Variants in TUBB2A observed in about 807,000 individuals in gnomAD.
TUBB2A encodes the protein tubulin beta-2A chain.
Under a neutral mutation model 33.9 loss-of-function variants are expected in TUBB2A, and 7 were observed. That is an observed-to-expected ratio of 0.21 (90% CI 0.12 to 0.39). The LOEUF (loss-of-function observed/expected upper bound fraction) is 0.39. Ranked by LOEUF, TUBB2A falls within the 10% of genes least tolerant of loss-of-function variation. The probability of loss-of-function intolerance (pLI) is 1.00; values close to 1 mark genes in which losing one functional copy is unlikely to be tolerated. For synonymous variants in TUBB2A, 187 were observed against 247.6 expected, an observed-to-expected ratio of 0.76 and a Z score of 2.30; for missense variants, 80 against 593.4, an observed-to-expected ratio of 0.13 and a Z score of 8.99.
chr6:3,155,795 A>G lies in TUBB2A; in HGVS notation c.167-60T>C. 6.9e-7 allele frequency: 1 copy of G among 1,451,568 alleles called. No individual in the cohort carries two copies. Among genetic ancestry groups the G allele is most frequent in the Admixed American group, 1.9e-5 (1 of 53,708 alleles). The allele number at this position is 1,451,568 out of a possible 1,614,324, so 89.9% of individuals were successfully genotyped here. On this transcript the variant is annotated intron_variant, in intron 2 of 3. Transcript: ENST00000333628. This position sits in a 1 kb window ranked among gnomAD's most constrained non-coding sequence, Gnocchi z 4.2. ...TGGGGAGGGACTCACAGCAGCATTCAATTCCAGCATCTGAGACAAAAGGAG... is the reference window on the plus strand; with the variant it reads ...TGGGGAGGGACTCACAGCAGCATTCGATTCCAGCATCTGAGACAAAAGGAG...
Position 3,155,782 on chromosome 6 carries a change from C to T in TUBB2A, c.167-47G>A. Reference sequence around the variant, plus strand: ...TCAGGCCTGTGCTTGGGGAGGGACTCACAGCAGCATTCAATTCCAGCATCT... The same window carrying T: ...TCAGGCCTGTGCTTGGGGAGGGACTTACAGCAGCATTCAATTCCAGCATCT... On this transcript the variant is annotated intron_variant, in intron 2 of 3. Coordinates refer to ENST00000333628, the MANE Select transcript of TUBB2A (RefSeq NM_001069.3). The surrounding 1 kb of genome is among the most constrained non-coding windows in gnomAD (Gnocchi z 4.2). 6.7e-7 allele frequency: 1 copy of T among 1,497,866 alleles called. No individual in the cohort carries two copies. Among genetic ancestry groups the T allele is most frequent in the Non-Finnish European group, 9.2e-7 (1 of 1,083,540 alleles). 92.8% of individuals were successfully genotyped at this position (1,497,866 alleles called of 1,614,324 possible). A position where few individuals can be genotyped will look rare whatever the true frequency, so the allele number is the denominator to read the frequency against.
Position 3,153,920 on chromosome 6 carries a change from G to A in TUBB2A, c.1281C>T (p.Asp427=), listed in dbSNP as rs1234978302. The A allele has an allele frequency of 1.9e-6, 3 of 1,607,252 alleles. No homozygotes were observed. Among genetic ancestry groups the A allele is most frequent in the East Asian group, 2.2e-5 (1 of 44,844 alleles). Residue 427 remains aspartate (D), a synonymous_variant, in exon 4 of 4, where the codon GAC becomes GAT. Transcript: ENST00000333628. ...ACTCCCCTTGTTCGTCGGCCGTGGCGTCCTGGTACTGCTGGTACTCGGACA... is the reference window on the plus strand; with the variant it reads ...ACTCCCCTTGTTCGTCGGCCGTGGCATCCTGGTACTGCTGGTACTCGGACA... ...DLVSEYQQYQ[D]ATADEQGEFE... is the part of the protein sequence containing the mutation.
In TUBB2A at chr6:3,155,139, G is replaced by C. The variant is rs1258116002; in HGVS notation, c.278-216C>G. 2 of 1,302,890 alleles carry C rather than the reference G, an allele frequency of 1.5e-6. No individual in the cohort carries two copies. Among genetic ancestry groups the C allele is most frequent in the Admixed American group, 2.8e-5 (1 of 35,532 alleles). The allele number at this position is 1,302,890 out of a possible 1,614,324, so 80.7% of individuals were successfully genotyped here. On this transcript the variant is annotated intron_variant, in intron 3 of 3. Coordinates refer to ENST00000333628, the MANE Select transcript of TUBB2A (RefSeq NM_001069.3). The surrounding 1 kb of genome is among the most constrained non-coding windows in gnomAD (Gnocchi z 4.2). ...AAGAAGTAAGTTTAGCTCATCTGAG[G>C]CTATTGATTGAGGAAGAGGATAGGG...
intron 1 of TUBB2A, among the ~76,000 whole-genome samples, chr6:3,156,533 G>A (rs1368426377): frequency 6.6e-6 from 1 of 152,290 alleles, no homozygotes; most frequent in Non-Finnish European, 1.5e-5. Context: ...GTCGTGGCAG[G>A]CCAAGGACAG....
In TUBB2A at chr6:3,153,708, A is replaced by G. The variant is rs921055081; in HGVS notation, c.*155T>C. The G allele has an allele frequency of 8.3e-7, 1 of 1,207,952 alleles. No homozygotes were observed. The highest frequency in any genetic ancestry group is 1.5e-5 in the African/African-American group (1 of 65,268). 74.8% of individuals were successfully genotyped at this position (1,207,952 alleles called of 1,614,324 possible). On this transcript the variant is annotated 3_prime_UTR_variant, in exon 4 of 4. Coordinates refer to ENST00000333628, the MANE Select transcript of TUBB2A (RefSeq NM_001069.3). ...TTTATTAGTATAGATACCTTCACAG[A>G]CAATACTGTAATTTTTAGAGGAGTT...
rs9503414 is a variant in TUBB2A at position 3,155,364 on chromosome 6, G to A, written c.277+261C>T. On this transcript the variant is annotated intron_variant, in intron 3 of 3. Transcript: ENST00000333628. The surrounding 1 kb of genome is among the most constrained non-coding windows in gnomAD (Gnocchi z 4.2). ...TTTCAAGTTGCCTATAGCCTATGAA[G>A]CCTGGCTTGAAGCTTTTCCTTGCTC... 0.034 allele frequency among the ~76,000 whole-genome samples: 5,142 copies of A among 152,272 alleles called. 280 individuals carry two copies. The highest frequency in any genetic ancestry group is 0.12 in the African/African-American group (4,850 of 41,542).
rs11550258 is a variant in TUBB2A, at chr6:3,154,592, A to G, written c.609T>C (p.Asp203=). ...AGCAGATGTCATACAGGGCCTCGTT[A>G]TCAATGGAGTAGGTTTCATCTGTGT... ...VENTDETYSI[D]NEALYDICFR... is the part of the protein sequence containing the mutation. Residue 203 remains aspartate, a synonymous_variant, in exon 4 of 4, where the codon GAT becomes GAC. Transcript: ENST00000333628. The G allele has an allele frequency of 1.9e-3, 3,118 of 1,613,606 alleles. 62 individuals carry two copies. The South Asian group carries it at 0.028, about 15-fold the overall frequency.
Position 3,157,403 on chromosome 6 carries a change from C to T in TUBB2A, c.57+4G>A, listed in dbSNP as rs370230219. ...CCCGGGCCCCTCCGTGGCGGTGAGCCCACCTTGGCGCCGATCTGGTTGCCG... is the reference window on the plus strand; with the variant it reads ...CCCGGGCCCCTCCGTGGCGGTGAGCTCACCTTGGCGCCGATCTGGTTGCCG... On this transcript the variant is annotated splice_donor_region_variant and intron_variant, in intron 1 of 3. Transcript: ENST00000333628. 2.6e-6 allele frequency: 4 copies of T among 1,534,028 alleles called. No homozygotes were observed. The South Asian group carries it at 4.8e-5, about 18-fold the overall frequency.
At position 3,155,571 on chromosome 6, in the gene TUBB2A, T is replaced by A; in HGVS notation, c.277+54A>T. The A allele has an allele frequency of 1.4e-6, 2 of 1,392,008 alleles. No homozygotes were observed. The highest frequency in any genetic ancestry group is 2.0e-6 in the Non-Finnish European group (2 of 991,024). 86.2% of individuals were successfully genotyped at this position (1,392,008 alleles called of 1,614,324 possible). A position where few individuals can be genotyped will look rare whatever the true frequency, so the allele number is the denominator to read the frequency against. On this transcript the variant is annotated intron_variant, in intron 3 of 3. Coordinates refer to ENST00000333628, the MANE Select transcript of TUBB2A (RefSeq NM_001069.3). This position sits in a 1 kb window ranked among gnomAD's most constrained non-coding sequence, Gnocchi z 4.2. ...CACTAAGAACTGTGCTTTGCAGGGC[T>A]GTTAGGAAGAAGGTGTGTCATTTGG...
intron 1 of TUBB2A, among the ~76,000 whole-genome samples, 200 bp from the exon 2 acceptor site, chr6:3,156,352 C>T (rs1581498238): frequency 1.3e-5 from 2 of 152,428 alleles, no homozygotes; most frequent in South Asian, 2.1e-4. Context: ...GAGCATCGGC[C>T]ATATTATGGG....
Position 3,155,123 on chromosome 6 carries a change from G to C in TUBB2A, c.278-200C>G. 7.2e-7 allele frequency: 1 copy of C among 1,393,774 alleles called. No individual in the cohort carries two copies. Among genetic ancestry groups the C allele is most frequent in the African/African-American group, 1.5e-5 (1 of 68,912 alleles). The allele number at this position is 1,393,774 out of a possible 1,614,324, so 86.3% of individuals were successfully genotyped here. On this transcript the variant is annotated intron_variant, in intron 3 of 3. Coordinates refer to ENST00000333628, the MANE Select transcript of TUBB2A (RefSeq NM_001069.3). The surrounding 1 kb of genome is among the most constrained non-coding windows in gnomAD (Gnocchi z 4.2). The stretch of plus-strand genomic sequence containing the variant: ...GGGATCATAATAAAGTAAGAAGTAA[G>C]TTTAGCTCATCTGAGGCTATTGATT...
Position 3,153,845 on chromosome 6 carries a change from G to A in TUBB2A, c.*18C>T, listed in dbSNP as rs762463562. 5.0e-6 allele frequency: 8 copies of A among 1,613,816 alleles called. No homozygotes were observed. The African/African-American group carries it at 8.0e-5, about 16-fold the overall frequency. On this transcript the variant is annotated 3_prime_UTR_variant, in exon 4 of 4. Coordinates refer to ENST00000333628, the MANE Select transcript of TUBB2A (RefSeq NM_001069.3). ...CAACAGAAGTTCACTAAGGATGCAC[G>A]ATTGATCTGAGAAGTTTTTAAGCCT...
Position 3,153,964 on chromosome 6 carries a change from T to C in TUBB2A, c.1237A>G (p.Ser413Gly). The change falls in exon 4 of 4, where the codon AGC becomes GGC. Residue 413 changes from serine to glycine, a missense_variant. Transcript: ENST00000333628. ...MDEMEFTEAE[S>G]NMNDLVSEYQ... is the part of the protein sequence containing the mutation. ...TCGGACACCAGGTCGTTCATGTTGC[T>C]CTCGGCCTCGGTGAACTCCATCTCG... The C allele has an allele frequency of 6.2e-7, 1 of 1,609,658 alleles. No homozygotes were observed.
chr6:3,157,503 G>T lies in TUBB2A; in HGVS notation c.-40C>A, dbSNP rs747758183. ...AGCGGGTGGCGCTGGCCCTCGGAGC[G>T]GTGCGCGGCGTGGACCGGCGGGCTG... On this transcript the variant is annotated 5_prime_UTR_variant, in exon 1 of 4. Coordinates refer to ENST00000333628, the MANE Select transcript of TUBB2A (RefSeq NM_001069.3). The T allele has an allele frequency of 9.5e-6, 14 of 1,474,344 alleles. No individual in the cohort carries two copies. The highest frequency in any genetic ancestry group is 2.3e-5 in the Admixed American group (1 of 43,228). 91.3% of individuals were successfully genotyped at this position (1,474,344 alleles called of 1,614,324 possible).
chr6:3,154,886 G>A lies in TUBB2A; in HGVS notation c.315C>T (p.His105=), dbSNP rs1175368069. Reference sequence around the variant, plus strand: ...CGACCAGCTCGGCTCCCTCTGTGTAGTGGCCCTTGGCCCAGTTATTCCCGG... The same window carrying A: ...CGACCAGCTCGGCTCCCTCTGTGTAATGGCCCTTGGCCCAGTTATTCCCGG... ...SGAGNNWAKG[H]YTEGAELVDS... Residue 105 remains histidine (H), a synonymous_variant, in exon 4 of 4, where the codon CAC becomes CAT. Coordinates refer to ENST00000333628, the MANE Select transcript of TUBB2A (RefSeq NM_001069.3). 1 of 1,613,894 alleles carries A rather than the reference G, an allele frequency of 6.2e-7. No individual in the cohort carries two copies. Among genetic ancestry groups the A allele is most frequent in the Non-Finnish European group, 8.5e-7 (1 of 1,179,942 alleles).
At position 3,155,754 on chromosome 6, in the gene TUBB2A, G is replaced by A. The variant is rs115862064; in HGVS notation, c.167-19C>T. ...TTGTTACCTGCAGGAAATAAGAACT[G>A]ACTCAGGCCTGTGCTTGGGGAGGGA... is the stretch of plus-strand genomic sequence containing the variant. On this transcript the variant is annotated intron_variant, in intron 2 of 3. Transcript: ENST00000333628. This position sits in a 1 kb window ranked among gnomAD's most constrained non-coding sequence, Gnocchi z 4.2. 0.028 allele frequency: 44,191 copies of A among 1,594,864 alleles called. 783 individuals are homozygous for A. The highest frequency in any genetic ancestry group is 0.034 in the Non-Finnish European group (39,772 of 1,163,236).
Position 3,155,072 on chromosome 6 carries a change from C to G in TUBB2A, c.278-149G>C, listed in dbSNP as rs1561806236. 1 of 1,495,640 alleles carries G rather than the reference C, an allele frequency of 6.7e-7. No individual in the cohort carries two copies. Among genetic ancestry groups the G allele is most frequent in the Non-Finnish European group, 8.9e-7 (1 of 1,119,846 alleles). The allele number at this position is 1,495,640 out of a possible 1,614,324, so 92.6% of individuals were successfully genotyped here. A position where few individuals can be genotyped will look rare whatever the true frequency, so the allele number is the denominator to read the frequency against. On this transcript the variant is annotated intron_variant, in intron 3 of 3. Transcript: ENST00000333628. This position sits in a 1 kb window ranked among gnomAD's most constrained non-coding sequence, Gnocchi z 4.2. Reference sequence around the variant, plus strand: ...TTCTTTTACCTGAAGAAATATTTTTCTATGTCAGTGACCTCAAAAACACTG... The same window carrying G: ...TTCTTTTACCTGAAGAAATATTTTTGTATGTCAGTGACCTCAAAAACACTG...
chr6:3,157,468 C>A lies in TUBB2A; in HGVS notation c.-5G>T. The A allele has an allele frequency of 6.5e-7, 1 of 1,530,378 alleles. No homozygotes were observed. The highest frequency in any genetic ancestry group is 8.7e-7 in the Non-Finnish European group (1 of 1,145,210). 94.8% of individuals were successfully genotyped at this position (1,530,378 alleles called of 1,614,324 possible). ...GATGTGCACGATCTCGCGCATGGTG[C>A]CGGCTGCGGAGCGGGTGGCGCTGGC... On this transcript the variant is annotated 5_prime_UTR_variant, in exon 1 of 4. Coordinates refer to ENST00000333628, the MANE Select transcript of TUBB2A (RefSeq NM_001069.3).
rs754658850 is a variant in TUBB2A at position 3,154,856 on chromosome 6, C to G, written c.345G>C (p.Ser115=). Residue 115 remains serine (S), a synonymous_variant, in exon 4 of 4, where the codon TCG becomes TCC. Transcript: ENST00000333628. Reference sequence around the variant, plus strand: ...ACTCCTTCCTCACCACATCCAGGACCGAGTCGACCAGCTCGGCTCCCTCTG... The same window carrying G: ...ACTCCTTCCTCACCACATCCAGGACGGAGTCGACCAGCTCGGCTCCCTCTG... The part of the protein sequence containing the change: ...HYTEGAELVD[S]VLDVVRKESE... 4 of 1,613,452 alleles carry G rather than the reference C, an allele frequency of 2.5e-6. No individual in the cohort carries two copies. The highest frequency in any genetic ancestry group is 2.2e-5 in the East Asian group (1 of 44,846).
Sources: gnomAD v4.1 joint callset for allele counts (sites outside exome capture counted in the v4.1 genomes callset) on GRCh38, gnomAD v4.1.1 for gene constraint, Gnocchi (gnomAD v3.1) non-coding constraint, MANE v1.5 for transcripts, NCBI Gene and HGNC (gene_info 2026-07-23, HGNC 2026-07-21) for gene names.